FSTL3: variants seen among roughly 807,000 people sequenced by gnomAD.
FSTL3 encodes follistatin-related protein 3.
A neutral mutation model predicts 28.1 loss-of-function variants in FSTL3; 21 were observed. The observed-to-expected ratio is 0.75, with a 90% confidence interval of 0.53 to 1.08. FSTL3 has a LOEUF of 1.08. Among genes scored for constraint, FSTL3 ranks in the 50% least tolerant of loss-of-function variants. The probability of loss-of-function intolerance (pLI) is 0.00; values close to 1 mark genes in which losing one functional copy is unlikely to be tolerated. For missense variants in FSTL3, 400 were observed against 380.9 expected, an observed-to-expected ratio of 1.05 and a Z score of -0.42; for synonymous variants, 199 against 164.2, an observed-to-expected ratio of 1.21 and a Z score of -1.62.
chr19:681,223 T>C (rs965272696), intron 3 of FSTL3, 110 bp from the exon 4 acceptor site: 9 of 723,954 alleles, frequency 1.2e-5, no homozygotes, highest in Non-Finnish European at 1.8e-5. Context: ...TTGTGTCTCC[T>C]ACCAGAGGGT....
intron 3 of FSTL3, 35 bp from the exon 4 acceptor site, chr19:681,298 T>G: frequency 7.0e-7 from 1 of 1,436,980 alleles, no homozygotes; most frequent in Non-Finnish European, 9.4e-7. Context: ...CTCAGCGAGA[T>G]GTCCCCTGAA....
In FSTL3 at chr19:677,776, G is replaced by C. The variant is rs376784869; in HGVS notation, c.104-16G>C. ...CAGGAGTGGCCCAGGAGAGCACCCC[G>C]TTCCCCGGCCCGCAGGTGGTGTTTG... On this transcript the variant is annotated splice_polypyrimidine_tract_variant and intron_variant, in intron 1 of 4. Coordinates refer to ENST00000166139, the MANE Select transcript of FSTL3 (RefSeq NM_005860.3). The C allele has an allele frequency of 1.3e-6, 2 of 1,596,694 alleles. No homozygotes were observed. The highest frequency in any genetic ancestry group is 1.1e-5 in the South Asian group (1 of 89,828).
chr19:677,297 C>A (rs2031234545), intron 1 of FSTL3, among the ~76,000 whole-genome samples: 1 of 152,206 alleles, frequency 6.6e-6, no homozygotes, highest in Admixed American at 6.5e-5. Context: ...ACAGTGAGCT[C>A]ATGCAAGGGG....
intron 2 of FSTL3, among the ~76,000 whole-genome samples, chr19:679,752 C>T (rs2031285338): frequency 6.6e-6 from 1 of 152,122 alleles, no homozygotes; most frequent in Non-Finnish European, 1.5e-5. Flanking sequence ...GTGGGGGGCC[C>T]CCTCCCCTGG....
chr19:681,326 C>A lies in FSTL3; in HGVS notation c.506-7C>A, dbSNP rs749647932. 5.8e-6 allele frequency: 9 copies of A among 1,545,318 alleles called. No individual in the cohort carries two copies. In the South Asian group the frequency reaches 5.8e-5, roughly 10 times the overall value. Reference sequence around the variant, plus strand: ...CCCCTGAACTTCCCCTGGCACCCGGCCTGCAGAGTCCTGTGAGCACGTGGT... The same window carrying A: ...CCCCTGAACTTCCCCTGGCACCCGGACTGCAGAGTCCTGTGAGCACGTGGT... On this transcript the variant is annotated splice_polypyrimidine_tract_variant and splice_region_variant and intron_variant, in intron 3 of 4. Transcript: ENST00000166139.
chr19:680,008 C>CG, intron 2 of FSTL3: 1 of 211,670 alleles, frequency 4.7e-6, no homozygotes. Flanking sequence ...GAGACCCCCC[C>CG]CCGCCCCGGC....
At chr19:678,512 T>TG (rs1414225830) in intron 2 of FSTL3, among the ~76,000 whole-genome samples, 2 of 123,764 alleles carry the variant, frequency 1.6e-5, no homozygotes, top group Non-Finnish European at 3.4e-5. Flanking sequence ...TTTTTTTTTT[T>TG]TTTTTTTTTT....
Position 682,873 on chromosome 19 carries a change from G to T in FSTL3, c.*1165G>T. ...TAGACGCCAAGACTCACGCATGTGT[G>T]ACATCCGGAGTCCTGGAGCCGGGTG... On this transcript the variant is annotated 3_prime_UTR_variant, in exon 5 of 5. Transcript: ENST00000166139. 4.3e-6 allele frequency: 1 copy of T among 232,622 alleles called. No individual in the cohort carries two copies. The highest frequency in any genetic ancestry group is 5.6e-5 in the Admixed American group (1 of 17,770). The allele number at this position is 232,622 out of a possible 1,614,324, so 14.4% of individuals were successfully genotyped here. A position where few individuals can be genotyped will look rare whatever the true frequency, so the allele number is the denominator to read the frequency against.
At chr19:679,051 C>A (rs1299665721) in intron 2 of FSTL3, among the ~76,000 whole-genome samples, 3 of 152,098 alleles carry the variant, frequency 2.0e-5, no homozygotes, top group Non-Finnish European at 4.4e-5. Flanking sequence ...CCCAGATCAG[C>A]CTGGCTGGGT....
rs145597354 is a variant in FSTL3, at chr19:682,422, G to A, written c.*714G>A. The A allele has an allele frequency of 3.4e-3, 802 of 237,540 alleles. 10 individuals carry two copies. Among genetic ancestry groups the A allele is most frequent in the African/African-American group, 0.017 (752 of 45,234 alleles). 14.7% of individuals were successfully genotyped at this position (237,540 alleles called of 1,614,324 possible). On this transcript the variant is annotated 3_prime_UTR_variant, in exon 5 of 5. Coordinates refer to ENST00000166139, the MANE Select transcript of FSTL3 (RefSeq NM_005860.3). ...TGGAGGGTCTAGCCTGGGTGTGTAC[G>A]GAGGGTCTAGTCTGAGTGCGTGTGG... is the stretch of plus-strand genomic sequence containing the variant.
intron 3 of FSTL3, 169 bp downstream of exon 3, chr19:680,658 C>T (rs1600660540): frequency 4.7e-5 from 3 of 63,162 alleles, no homozygotes; most frequent in South Asian, 5.9e-4. Flanking sequence ...GCCAGGCCTG[C>T]GGGGGCGGGG....
intron 2 of FSTL3, 158 bp from the exon 3 acceptor site, chr19:680,116 G>A (rs1568203175): frequency 5.6e-6 from 2 of 358,440 alleles, no homozygotes; most frequent in Admixed American, 4.9e-5. Flanking sequence ...CTGCCCCTGG[G>A]AACCCGAGGG....
intron 2 of FSTL3, among the ~76,000 whole-genome samples, chr19:678,451 G>A (rs559236883): frequency 5.1e-4 from 78 of 151,548 alleles, no homozygotes; most frequent in Non-Finnish European, 8.2e-4. Flanking sequence ...CTTGGTTGGC[G>A]AGTGGCACAG....
At chr19:677,027 G>A (rs2031227376) in intron 1 of FSTL3, among the ~76,000 whole-genome samples, 1 of 152,154 alleles carries the variant, frequency 6.6e-6, no homozygotes, top group South Asian at 2.1e-4. Flanking sequence ...CCAGGCAGGA[G>A]ACGGCCCCAC....
In FSTL3 at chr19:680,362, G is replaced by T. The variant is rs939894874; in HGVS notation, c.378G>T (p.Ser126=). ...GCTGCGAGTGCGCGCCCGACTGCTC[G>T]GGGCTCCCGGCGCGGCTGCAGGTCT... ...RPRCECAPDC[S]GLPARLQVCG... Residue 126 remains serine (S), a synonymous_variant, in exon 3 of 5, where the codon TCG becomes TCT. Transcript: ENST00000166139. 10 of 1,280,966 alleles carry T rather than the reference G, an allele frequency of 7.8e-6. No individual in the cohort carries two copies. The highest frequency in any genetic ancestry group is 9.8e-6 in the Non-Finnish European group (10 of 1,016,648). The allele number at this position is 1,280,966 out of a possible 1,614,324, so 79.3% of individuals were successfully genotyped here. A position where few individuals can be genotyped will look rare whatever the true frequency, so the allele number is the denominator to read the frequency against.
intron 2 of FSTL3, 197 bp downstream of exon 2, chr19:678,174 C>G: frequency 5.1e-6 from 3 of 589,662 alleles, no homozygotes; most frequent in Non-Finnish European, 5.9e-6. Flanking sequence ...CAGCTCAGGA[C>G]TCAGGAAGAG....
chr19:677,366 G>A (rs376241998), intron 1 of FSTL3, among the ~76,000 whole-genome samples: 2 of 151,998 alleles, frequency 1.3e-5, no homozygotes, highest in East Asian at 2.0e-4. Context: ...GCTGCCAGGC[G>A]CGGGGCTCCG....
chr19:677,865 C>T lies in FSTL3; in HGVS notation c.177C>T (p.Ala59=), dbSNP rs755679092. The part of the protein sequence containing the change: ...SLVLQTDVTR[A]ECCASGNIDT... Reference sequence around the variant, plus strand: ...TGCTCCAGACTGATGTCACCCGGGCCGAGTGCTGTGCCTCCGGCAACATTG... The same window carrying T: ...TGCTCCAGACTGATGTCACCCGGGCTGAGTGCTGTGCCTCCGGCAACATTG... Residue 59 remains alanine, a synonymous_variant, in exon 2 of 5, where the codon GCC becomes GCT. Coordinates refer to ENST00000166139, the MANE Select transcript of FSTL3 (RefSeq NM_005860.3). The T allele has an allele frequency of 8.7e-5, 141 of 1,613,122 alleles. No individual in the cohort carries two copies. The highest frequency in any genetic ancestry group is 9.9e-5 in the Non-Finnish European group (117 of 1,179,960).
intron 2 of FSTL3, among the ~76,000 whole-genome samples, chr19:679,317 C>A (rs557607423): frequency 6.6e-6 from 1 of 152,210 alleles, no homozygotes; most frequent in Admixed American, 6.5e-5. Context: ...GCCCACATGC[C>A]CTGCAAGGGC....
Sources: gnomAD v4.1 joint callset for allele counts (sites outside exome capture counted in the v4.1 genomes callset) on GRCh38, gnomAD v4.1.1 for gene constraint, MANE v1.5 for transcripts, NCBI Gene and HGNC (gene_info 2026-07-23, HGNC 2026-07-21) for gene names.